The following POU6F2 variants were observed in gnomAD, a reference collection of about 807,000 sequenced individuals.
The protein encoded by POU6F2 is POU domain, class 6, transcription factor 2.
Under a neutral mutation model 71.3 loss-of-function variants are expected in POU6F2, and 31 were observed. The observed-to-expected ratio is 0.43, with a 90% CI of 0.33 to 0.59. The LOEUF is 0.59. Among genes scored for constraint, POU6F2 ranks in the 20% least tolerant of loss-of-function variants. The pLI, the probability that POU6F2 is intolerant of heterozygous loss-of-function variation, is 0.04. For missense variants in POU6F2, 783 were observed against 856.8 expected, an observed-to-expected ratio of 0.91 and a Z score of 1.07; for synonymous variants, 347 against 355.7, an observed-to-expected ratio of 0.98 and a Z score of 0.27.
intron 4 of POU6F2, among the ~76,000 whole-genome samples, chr7:39,300,968 T>C (rs1050866464): frequency 2.0e-5 from 3 of 152,198 alleles, no homozygotes; most frequent in African/African-American, 7.2e-5. Context: ...TTCCTTGAAA[T>C]GCTGTCTTTC....
At chr7:39,054,649 T>C (rs1790469753) in intron 1 of POU6F2, among the ~76,000 whole-genome samples, 1 of 151,718 alleles carries the variant, frequency 6.6e-6, no homozygotes, top group African/African-American at 2.4e-5. Flanking sequence ...AAAGGCTTCT[T>C]TGAGGAAGGT....
At chr7:39,014,998 G>T (rs558810169) in intron 1 of POU6F2, among the ~76,000 whole-genome samples, 1 of 151,878 alleles carries the variant, frequency 6.6e-6, no homozygotes, top group Non-Finnish European at 1.5e-5. Context: ...ATAAATGATC[G>T]TCTTCCTCCT....
chr7:39,050,739 C>G (rs1790385865), intron 1 of POU6F2, among the ~76,000 whole-genome samples: 1 of 152,126 alleles, frequency 6.6e-6, no homozygotes, highest in African/African-American at 2.4e-5. Context: ...CTGCTATTCA[C>G]CATGTGCCCT....
intron 4 of POU6F2, among the ~76,000 whole-genome samples, chr7:39,241,958 T>G (rs956753874): frequency 2.0e-5 from 3 of 152,182 alleles, no homozygotes; most frequent in African/African-American, 7.2e-5. Context: ...TTTGCCTTTT[T>G]CTGAACGTCA....
intron 2 of POU6F2, among the ~76,000 whole-genome samples, chr7:39,101,536 G>A (rs970905665): frequency 2.6e-5 from 4 of 151,396 alleles, no homozygotes; most frequent in African/African-American, 9.7e-5. Flanking sequence ...AATTTTTACG[G>A]TCTTTGACAT....
At chr7:39,006,858 T>C (rs1291677725) in intron 1 of POU6F2, 1 of 1,613,728 alleles carries the variant, frequency 6.2e-7, no homozygotes, top group East Asian at 2.2e-5. Context: ...AAATGAGTGC[T>C]CTTCTTCAGG....
intron 1 of POU6F2, among the ~76,000 whole-genome samples, chr7:39,084,764 G>A (rs918603495): frequency 6.6e-5 from 10 of 151,918 alleles, no homozygotes; most frequent in Admixed American, 2.0e-4. Context: ...GGTGGGACCC[G>A]GGAGCATGCC....
At chr7:39,325,097 C>T (rs1353419647) in intron 4 of POU6F2, among the ~76,000 whole-genome samples, 2 of 152,130 alleles carry the variant, frequency 1.3e-5, no homozygotes, top group African/African-American at 4.8e-5. Context: ...ACACGAGTAA[C>T]ATTTTGCTAT....
At chr7:39,245,865 C>T (rs1008040626) in intron 4 of POU6F2, among the ~76,000 whole-genome samples, 2 of 152,160 alleles carry the variant, frequency 1.3e-5, no homozygotes, top group Non-Finnish European at 2.9e-5. Context: ...CTGCCCTCAC[C>T]ACTATTTCCA....
chr7:39,161,286 C>T (rs1792992408), intron 2 of POU6F2, among the ~76,000 whole-genome samples: 1 of 152,180 alleles, frequency 6.6e-6, no homozygotes, highest in Non-Finnish European at 1.5e-5. Flanking sequence ...TCATGTAGTA[C>T]TTTATCTTTT....
intron 7 of POU6F2, 35 bp from the exon 8 acceptor site, chr7:39,451,498 T>G: frequency 1.3e-6 from 2 of 1,566,262 alleles, no homozygotes; most frequent in Non-Finnish European, 1.7e-6. Flanking sequence ...AATTTTTCAT[T>G]CATTTGTGTA....
chr7:39,307,017 A>G (rs1450626602), intron 4 of POU6F2, among the ~76,000 whole-genome samples: 3 of 152,220 alleles, frequency 2.0e-5, no homozygotes, highest in Non-Finnish European at 1.5e-5. Context: ...ATGTCACTCC[A>G]CTGAAGTGTT....
At chr7:39,059,712 A>T (rs1198189948) in intron 1 of POU6F2, among the ~76,000 whole-genome samples, 1 of 152,246 alleles carries the variant, frequency 6.6e-6, no homozygotes. Context: ...ATAGGTTTGT[A>T]TAAAAACTTG....
chr7:39,418,993 A>ATGTATATATATGTGTATATATG (rs1562544262), intron 6 of POU6F2, among the ~76,000 whole-genome samples: 63 of 134,092 alleles, frequency 4.7e-4, no homozygotes, highest in Middle Eastern at 4.0e-3. Context: ...ATGTGTATAT[A>ATGTATATATATGTGTATATATG]TGTGTATATA....
At chr7:39,327,504 GTA>G (rs1785535864) in intron 4 of POU6F2, among the ~76,000 whole-genome samples, 1 of 151,940 alleles carries the variant, frequency 6.6e-6, no homozygotes, top group South Asian at 2.1e-4. Context: ...AGGTATGGTG[GTA>G]TATGCCTGTA....
chr7:39,386,110 T>C (rs1052225874), intron 5 of POU6F2, among the ~76,000 whole-genome samples: 1 of 119,636 alleles, frequency 8.4e-6, no homozygotes. Context: ...AGAGCAAGAC[T>C]CCGTCTCAAA....
At chr7:39,285,090 CTTGGCCAGAAAGCGA>C (rs1479023078) in intron 4 of POU6F2, among the ~76,000 whole-genome samples, 1 of 152,218 alleles carries the variant, frequency 6.6e-6, no homozygotes, top group Non-Finnish European at 1.5e-5. Context: ...GTTCTAGTGG[CTTGGCCAGAAAGCGA>C]CAAATCCTGG....
At chr7:39,015,114 C>A (rs931387138) in intron 1 of POU6F2, among the ~76,000 whole-genome samples, 4 of 151,056 alleles carry the variant, frequency 2.6e-5, no homozygotes, top group African/African-American at 9.7e-5. Flanking sequence ...TGTTCGGGAG[C>A]AGAATTTTAA....
chr7:39,443,658 T>C (rs1788460645), intron 7 of POU6F2, among the ~76,000 whole-genome samples: 1 of 152,172 alleles, frequency 6.6e-6, no homozygotes, highest in Non-Finnish European at 1.5e-5. Flanking sequence ...GAGTCCCAGA[T>C]GTAAAAGCTG....
Sources: allele counts gnomAD v4.1 joint callset (sites outside exome capture counted in the v4.1 genomes callset), GRCh38; gene constraint gnomAD v4.1.1; transcripts MANE v1.5; gene names NCBI Gene and HGNC (gene_info 2026-07-23, HGNC 2026-07-21).